Variants in ARMH3 observed in about 807,000 individuals in gnomAD.
ARMH3 encodes armadillo-like helical domain-containing protein 3.
Under a neutral mutation model 99.1 loss-of-function variants are expected in ARMH3, and 60 were observed. The ratio of observed to expected loss-of-function variants is 0.61; its 90% CI spans 0.49 to 0.75. The LOEUF is 0.75. ARMH3 is among the 30% of genes least tolerant of loss of function. The probability of loss-of-function intolerance (pLI) is 0.00; values close to 1 mark genes in which losing one functional copy is unlikely to be tolerated. For missense variants in ARMH3, 679 were observed against 843.1 expected, an observed-to-expected ratio of 0.81 and a Z score of 2.41; for synonymous variants, 285 against 292.8, an observed-to-expected ratio of 0.97 and a Z score of 0.27.
chr10:101,975,925 C>T (rs1390861709), intron 19 of ARMH3, among the ~76,000 whole-genome samples: 1 of 150,912 alleles, frequency 6.6e-6, no homozygotes, highest in Non-Finnish European at 1.5e-5. Flanking sequence ...GAGGCCGAGG[C>T]GGGCAGATCA....
At chr10:101,866,599 G>A (rs1419720407) in intron 24 of ARMH3, among the ~76,000 whole-genome samples, 1 of 151,968 alleles carries the variant, frequency 6.6e-6, no homozygotes, top group Non-Finnish European at 1.5e-5. Context: ...ATCTTGTATT[G>A]AAGATGCAGC....
chr10:101,926,172 T>A (rs541329418), intron 23 of ARMH3, among the ~76,000 whole-genome samples: 1 of 152,122 alleles, frequency 6.6e-6, no homozygotes, highest in Non-Finnish European at 1.5e-5. Context: ...ATAAACCTGA[T>A]AATTTATTTT....
chr10:101,890,742 A>G (rs555873280), intron 23 of ARMH3, among the ~76,000 whole-genome samples: 154 of 152,366 alleles, frequency 1.0e-3, no homozygotes, highest in Non-Finnish European at 2.0e-3. Context: ...ATGAAGCTGT[A>G]GATTGCCAGT....
chr10:101,877,106 G>A (rs979344502), intron 24 of ARMH3, among the ~76,000 whole-genome samples: 1 of 152,150 alleles, frequency 6.6e-6, no homozygotes, highest in Non-Finnish European at 1.5e-5. Flanking sequence ...CTACTCAGCT[G>A]GGACTGGCAA....
At chr10:101,955,955 A>C (rs1030282749) in intron 22 of ARMH3, among the ~76,000 whole-genome samples, 2 of 152,238 alleles carry the variant, frequency 1.3e-5, no homozygotes, top group Non-Finnish European at 2.9e-5. Flanking sequence ...TTTAAAAATA[A>C]GATAGTTTTA....
At chr10:102,055,041 G>A (rs1297583285) in intron 1 of ARMH3, among the ~76,000 whole-genome samples, 4 of 150,130 alleles carry the variant, frequency 2.7e-5, no homozygotes, top group Non-Finnish European at 5.9e-5. Flanking sequence ...AAAAAAAAAG[G>A]CCGGGCGCGG....
At chr10:101,954,298 T>C (rs1272124115) in intron 22 of ARMH3, among the ~76,000 whole-genome samples, 3 of 152,226 alleles carry the variant, frequency 2.0e-5, no homozygotes, top group Non-Finnish European at 4.4e-5. Context: ...CAAATGTCCT[T>C]CACCTGATAA....
At chr10:101,919,813 C>A (rs764594920) in intron 23 of ARMH3, among the ~76,000 whole-genome samples, 2 of 152,130 alleles carry the variant, frequency 1.3e-5, no homozygotes, top group Non-Finnish European at 2.9e-5. Flanking sequence ...TCCTTCAAAC[C>A]TTTTACTCTA....
chr10:101,890,934 G>C (rs2067674178), intron 23 of ARMH3, among the ~76,000 whole-genome samples: 1 of 150,674 alleles, frequency 6.6e-6, no homozygotes, highest in Non-Finnish European at 1.5e-5. Context: ...GAGTGCAGTG[G>C]CACAAACATG....
intron 5 of ARMH3, among the ~76,000 whole-genome samples, chr10:102,026,385 A>G (rs896771520): frequency 6.6e-6 from 1 of 152,188 alleles, no homozygotes; most frequent in Non-Finnish European, 1.5e-5. Flanking sequence ...TTTTAGTCTT[A>G]TGGGAGAGAA....
At chr10:101,951,057 G>T (rs1286970960) in intron 22 of ARMH3, among the ~76,000 whole-genome samples, 1 of 152,124 alleles carries the variant, frequency 6.6e-6, no homozygotes, top group Non-Finnish European at 1.5e-5. Context: ...AATACTAACA[G>T]CACCAAATGC....
At chr10:101,918,300 GC>G (rs1843166769) in intron 23 of ARMH3, among the ~76,000 whole-genome samples, 2 of 152,042 alleles carry the variant, frequency 1.3e-5, no homozygotes, top group Admixed American at 1.3e-4. Context: ...GTGATCCGCT[GC>G]CCTCGGCCTC....
chr10:101,936,477 G>A (rs1003910557), intron 23 of ARMH3, among the ~76,000 whole-genome samples: 3 of 141,652 alleles, frequency 2.1e-5, no homozygotes, highest in Non-Finnish European at 3.0e-5. Flanking sequence ...GGGCAACAGA[G>A]TGAGACTCTG....
At chr10:101,919,499 C>T (rs539248589) in intron 23 of ARMH3, among the ~76,000 whole-genome samples, 12 of 152,280 alleles carry the variant, frequency 7.9e-5, no homozygotes, top group African/African-American at 2.4e-4. Flanking sequence ...CCATCTCTCG[C>T]TGACTTTATT....
intron 14 of ARMH3, among the ~76,000 whole-genome samples, chr10:102,005,333 A>G (rs1043610244): frequency 6.7e-6 from 1 of 148,710 alleles, no homozygotes; most frequent in African/African-American, 2.5e-5. Context: ...CAGTGAGCCG[A>G]GATCACACTA....
In ARMH3 at chr10:101,976,321, A is replaced by C. The variant is rs116306309; in HGVS notation, c.1407-1021T>G. On this transcript the variant is annotated intron_variant, in intron 19 of 25. Coordinates refer to ENST00000370033, the MANE Select transcript of ARMH3 (RefSeq NM_024541.3). The stretch of plus-strand genomic sequence containing the variant: ...GGCCACTGTACTCCAGCCTGAGCGA[A>C]AGGGCAAGACTGTCTCAAAAAAAAA... 9.3e-3 allele frequency among the ~76,000 whole-genome samples: 1,410 copies of C among 151,244 alleles called. 18 individuals are homozygous for C. Among genetic ancestry groups the C allele is most frequent in the African/African-American group, 0.032 (1,334 of 41,266 alleles).
At chr10:101,856,564 TAA>T (rs879305536) in intron 24 of ARMH3, among the ~76,000 whole-genome samples, 1 of 129,912 alleles carries the variant, frequency 7.7e-6, no homozygotes. Context: ...CTCCTAATCA[TAA>T]AAAAAAAAAA....
At chr10:102,032,552 C>G (rs540392106) in intron 4 of ARMH3, among the ~76,000 whole-genome samples, 1 of 152,208 alleles carries the variant, frequency 6.6e-6, no homozygotes, top group Admixed American at 6.5e-5. Flanking sequence ...AGGTGCCCAC[C>G]ACCATGCCCG....
At chr10:101,959,852 A>G (rs1845200393) in intron 20 of ARMH3, among the ~76,000 whole-genome samples, 1 of 152,216 alleles carries the variant, frequency 6.6e-6, no homozygotes, top group South Asian at 2.1e-4. Flanking sequence ...CTGCTCCCCC[A>G]AGAACCAAGG....
Sources: gnomAD v4.1 joint callset for allele counts (sites outside exome capture counted in the v4.1 genomes callset) on GRCh38, gnomAD v4.1.1 for gene constraint, MANE v1.5 for transcripts, NCBI Gene and HGNC (gene_info 2026-07-23, HGNC 2026-07-21) for gene names.